ACSS3: variants seen among roughly 807,000 people sequenced by gnomAD.
ACSS3 encodes acyl-CoA synthetase short chain family member 3.
ACSS3 carries 64 observed loss-of-function variants against 84.2 expected under a neutral mutation model. The observed-to-expected ratio is 0.76, with a 90% CI of 0.62 to 0.94. ACSS3 has a LOEUF of 0.94. Ranked by LOEUF, ACSS3 falls within the 40% of genes least tolerant of loss-of-function variation. The pLI is 0.00. For synonymous variants in ACSS3, 317 were observed against 310.1 expected, an observed-to-expected ratio of 1.02 and a Z score of -0.23; for missense variants, 815 against 867.6, an observed-to-expected ratio of 0.94 and a Z score of 0.76.
intron 1 of ACSS3, among the ~76,000 whole-genome samples, chr12:81,106,411 A>G (rs910965176): frequency 6.6e-6 from 1 of 152,138 alleles, no homozygotes; most frequent in Non-Finnish European, 1.5e-5. Flanking sequence ...CAGGGCTCCC[A>G]CTGATTCTAC....
intron 10 of ACSS3, among the ~76,000 whole-genome samples, chr12:81,219,374 A>C (rs1304881032): frequency 6.6e-6 from 1 of 152,134 alleles, no homozygotes; most frequent in African/African-American, 2.4e-5. Flanking sequence ...AATTACCTGG[A>C]TGAATGAGGC....
In ACSS3 at chr12:81,162,887, G is replaced by A. The variant is rs139970629; in HGVS notation, c.1098+10791G>A. Reference sequence around the variant, plus strand: ...GCTGTGTTGTGACATCACCTGGACAGGGCCACAACTTTGCTATGAAATCAG... The same window carrying A: ...GCTGTGTTGTGACATCACCTGGACAAGGCCACAACTTTGCTATGAAATCAG... On this transcript the variant is annotated intron_variant, in intron 7 of 15. Transcript: ENST00000548058. 7.9e-5 allele frequency among the ~76,000 whole-genome samples: 12 copies of A among 152,294 alleles called. No individual in the cohort carries two copies. The East Asian group carries it at 2.3e-3, about 29-fold the overall frequency.
intron 7 of ACSS3, chr12:81,158,519 CA>C: frequency 6.5e-6 from 1 of 154,082 alleles, no homozygotes; most frequent in South Asian, 2.0e-4. Context: ...CTCTACTTGC[CA>C]AAGTCAATGG....
chr12:81,099,851 G>C (rs1354025476), intron 1 of ACSS3, among the ~76,000 whole-genome samples: 1 of 152,122 alleles, frequency 6.6e-6, no homozygotes, highest in Non-Finnish European at 1.5e-5. Context: ...GATGGGAAGA[G>C]AAGAATCATG....
intron 7 of ACSS3, among the ~76,000 whole-genome samples, chr12:81,165,899 A>G (rs1751808122): frequency 6.6e-6 from 1 of 152,210 alleles, no homozygotes; most frequent in South Asian, 2.1e-4. Context: ...AATAATTATT[A>G]TTGATTGAGT....
At chr12:81,165,122 C>G (rs530358813) in intron 7 of ACSS3, among the ~76,000 whole-genome samples, 4 of 152,172 alleles carry the variant, frequency 2.6e-5, no homozygotes, top group East Asian at 3.9e-4. Flanking sequence ...TTTCCCATGA[C>G]TAGTTGTTAA....
chr12:81,103,206 T>C (rs4842295), intron 1 of ACSS3, among the ~76,000 whole-genome samples: 136,696 of 152,216 alleles, frequency 0.9, 62,616 homozygotes, highest in Non-Finnish European at 0.99. Context: ...ACTCGTAATG[T>C]AGTCCTCAAC....
At chr12:81,196,031 T>C in intron 8 of ACSS3, among the ~76,000 whole-genome samples, 1 of 152,182 alleles carries the variant, frequency 6.6e-6, no homozygotes, top group East Asian at 1.9e-4. Context: ...GAGATAACAG[T>C]TTACTTATAA....
At chr12:81,153,287 A>G (rs1346384470) in intron 7 of ACSS3, among the ~76,000 whole-genome samples, 1 of 152,020 alleles carries the variant, frequency 6.6e-6, no homozygotes, top group Non-Finnish European at 1.5e-5. Flanking sequence ...GCATGCCTGT[A>G]ATCCCAGCTA....
intron 8 of ACSS3, among the ~76,000 whole-genome samples, chr12:81,182,906 T>C (rs2031031452): frequency 6.6e-6 from 1 of 152,128 alleles, no homozygotes; most frequent in African/African-American, 2.4e-5. Flanking sequence ...CACATCATGC[T>C]CACTTATCTG....
chr12:81,237,159 G>A (rs764196895), intron 13 of ACSS3, among the ~76,000 whole-genome samples: 9 of 151,516 alleles, frequency 5.9e-5, no homozygotes, highest in Non-Finnish European at 1.3e-4. Context: ...TAACTCCTGG[G>A]AATTAATCTC....
At chr12:81,183,051 G>T (rs1409044648) in intron 8 of ACSS3, among the ~76,000 whole-genome samples, 2 of 152,136 alleles carry the variant, frequency 1.3e-5, no homozygotes, top group African/African-American at 4.8e-5. Flanking sequence ...GTAGAAAGAA[G>T]CCAAAATAAC....
intron 10 of ACSS3, among the ~76,000 whole-genome samples, 160 bp downstream of exon 10, chr12:81,217,156 G>C (rs1037481666): frequency 6.6e-6 from 1 of 152,038 alleles, no homozygotes; most frequent in Non-Finnish European, 1.5e-5. Context: ...GCTATCAAAA[G>C]TATGTTGTGG....
chr12:81,233,973 T>C (rs2033549353), intron 13 of ACSS3, among the ~76,000 whole-genome samples: 1 of 151,630 alleles, frequency 6.6e-6, no homozygotes, highest in African/African-American at 2.4e-5. Flanking sequence ...TGAGTATTTA[T>C]ACTAATACAG....
chr12:81,146,422 G>T (rs1886344276), intron 5 of ACSS3, among the ~76,000 whole-genome samples: 1 of 152,092 alleles, frequency 6.6e-6, no homozygotes, highest in African/African-American at 2.4e-5. Context: ...GTCATCATAT[G>T]GTTTGTTTCC....
At chr12:81,200,780 A>G (rs1168738489) in intron 9 of ACSS3, among the ~76,000 whole-genome samples, 1 of 151,804 alleles carries the variant, frequency 6.6e-6, no homozygotes, top group Non-Finnish European at 1.5e-5. Flanking sequence ...GCGTGCCTGT[A>G]ATCTCAGCTA....
chr12:81,098,500 TA>T (rs1217160292), intron 1 of ACSS3, among the ~76,000 whole-genome samples: 1 of 152,260 alleles, frequency 6.6e-6, no homozygotes, highest in East Asian at 1.9e-4. Flanking sequence ...TCATTTTGCT[TA>T]AAGTCTCCAT....
Position 81,174,895 on chromosome 12 carries a change from A to G in ACSS3, c.1206A>G (p.Gln402=). The G allele has an allele frequency of 1.2e-6, 2 of 1,614,048 alleles. No homozygotes were observed. The highest frequency in any genetic ancestry group is 1.7e-6 in the Non-Finnish European group (2 of 1,179,932). ...CAACTGCAATTAGAGCAATCCGTCA[A>G]CAGGACCCTGGGGCAGCTTTGGGGA... ...TAPTAIRAIR[Q]QDPGAALGKQ... Residue 402 remains glutamine (Q), a synonymous_variant, in exon 8 of 16, where the codon CAA becomes CAG. Coordinates refer to ENST00000548058, the MANE Select transcript of ACSS3 (RefSeq NM_024560.4).
intron 1 of ACSS3, among the ~76,000 whole-genome samples, chr12:81,105,088 T>C (rs972094589): frequency 6.6e-6 from 1 of 152,162 alleles, no homozygotes; most frequent in Non-Finnish European, 1.5e-5. Context: ...AATTATGCGT[T>C]ATGCAGAATC....
Sources: gnomAD v4.1 joint callset for allele counts (sites outside exome capture counted in the v4.1 genomes callset) on GRCh38, gnomAD v4.1.1 for gene constraint, MANE v1.5 for transcripts, NCBI Gene and HGNC (gene_info 2026-07-23, HGNC 2026-07-21) for gene names.